CSMD1: variants seen among roughly 807,000 people sequenced by gnomAD.
The protein encoded by CSMD1 is CUB and sushi domain-containing protein 1.
A neutral mutation model predicts 417.5 loss-of-function variants in CSMD1; 213 were observed. The observed-to-expected ratio is 0.51, with a 90% CI of 0.46 to 0.57. The LOEUF (loss-of-function observed/expected upper bound fraction) is 0.57, where lower values mean the gene tolerates loss of function less well. Ranked by LOEUF, CSMD1 falls within the 20% of genes least tolerant of loss-of-function variation. The pLI is 0.00. For missense variants in CSMD1, 6,923 were observed against 4,529.7 expected (o/e 1.53, Z -15.17); for synonymous variants, 2,862 against 1,736.8 (o/e 1.65, Z -16.11).
intron 3 of CSMD1, among the ~76,000 whole-genome samples, chr8:4,056,285 G>A (rs1200799684): frequency 2.0e-5 from 3 of 151,492 alleles, no homozygotes; most frequent in Non-Finnish European, 2.9e-5. Flanking sequence ...GTTTCACCAT[G>A]TTGGCCTGGC....
chr8:3,819,662 C>T (rs553066096), intron 5 of CSMD1, among the ~76,000 whole-genome samples: 38 of 152,192 alleles, frequency 2.5e-4, no homozygotes, highest in South Asian at 1.0e-3. Context: ...TGACTCACTG[C>T]GGCCTTGGCC....
chr8:4,297,504 C>T (rs564689415), intron 3 of CSMD1, among the ~76,000 whole-genome samples: 5 of 152,256 alleles, frequency 3.3e-5, no homozygotes, highest in African/African-American at 9.6e-5. Context: ...TACATTCAGG[C>T]CATTTTTGCT....
chr8:3,484,818 G>C (rs73660049), intron 11 of CSMD1, among the ~76,000 whole-genome samples: 4,345 of 152,274 alleles, frequency 0.029, 219 homozygotes, highest in African/African-American at 0.097. Context: ...ATAAGCATCT[G>C]ACAAAATGTT....
chr8:4,231,574 T>G (rs1008206773), intron 3 of CSMD1, among the ~76,000 whole-genome samples: 1 of 152,196 alleles, frequency 6.6e-6, no homozygotes, highest in African/African-American at 2.4e-5. Context: ...TGCATGTAAC[T>G]ATTATTGTTA....
At chr8:3,595,696 T>C (rs747329984) in intron 8 of CSMD1, among the ~76,000 whole-genome samples, 9 of 152,164 alleles carry the variant, frequency 5.9e-5, no homozygotes, top group African/African-American at 1.4e-4. Context: ...GTGTGAATTT[T>C]TGTGTGAGGG....
chr8:3,219,217 C>A lies in CSMD1; in HGVS notation c.4672+38G>T, dbSNP rs371846735. On this transcript the variant is annotated intron_variant, in intron 29 of 69. Coordinates refer to ENST00000635120, the MANE Select transcript of CSMD1 (RefSeq NM_033225.6). ...GCCTACAATAAAAACAGTCCTGATA[C>A]AAATTAATTCCCACTCAAATTCAGG... The A allele has an allele frequency of 3.9e-6, 6 of 1,521,686 alleles. No homozygotes were observed. In the African/African-American group the frequency reaches 4.1e-5, roughly 10 times the overall value. The allele number at this position is 1,521,686 out of a possible 1,614,324, so 94.3% of individuals were successfully genotyped here. A position where few individuals can be genotyped will look rare whatever the true frequency, so the allele number is the denominator to read the frequency against.
In CSMD1 at chr8:4,666,744, G is replaced by A. The variant is rs145353860; in HGVS notation, c.86-29186C>T. Among the ~76,000 whole-genome samples the A allele has an allele frequency of 3.6e-3, 553 of 152,172 alleles. 2 individuals carry two copies. The highest frequency in any genetic ancestry group is 0.013 in the African/African-American group (535 of 41,512). On this transcript the variant is annotated intron_variant, in intron 1 of 69. Coordinates refer to ENST00000635120, the MANE Select transcript of CSMD1 (RefSeq NM_033225.6). ...CTGAGATTTGAGAGTTCTTCATACA[G>A]TCAAGTCCTTCATCAGATATGTATT...
chr8:3,559,199 T>A (rs951624446), intron 10 of CSMD1, among the ~76,000 whole-genome samples: 2 of 152,204 alleles, frequency 1.3e-5, no homozygotes, highest in African/African-American at 2.4e-5. Flanking sequence ...GTTTGGGCAA[T>A]AAGTATCAAT....
intron 3 of CSMD1, among the ~76,000 whole-genome samples, chr8:4,239,634 T>A (rs1269117305): frequency 6.6e-6 from 1 of 152,180 alleles, no homozygotes; most frequent in Non-Finnish European, 1.5e-5. Flanking sequence ...GAACCCAAAC[T>A]GCTGCAGCCA....
chr8:4,301,250 A>G (rs1202158100), intron 3 of CSMD1, among the ~76,000 whole-genome samples: 1 of 152,180 alleles, frequency 6.6e-6, no homozygotes, highest in Non-Finnish European at 1.5e-5. Context: ...AGCCAACATC[A>G]TCATTCTTTG....
intron 3 of CSMD1, among the ~76,000 whole-genome samples, chr8:4,302,632 A>T (rs1055849097): frequency 6.6e-6 from 1 of 152,194 alleles, no homozygotes; most frequent in Non-Finnish European, 1.5e-5. Context: ...TTTTTCTCTG[A>T]CACAAAGGTC....
At chr8:4,066,728 G>C (rs919177426) in intron 3 of CSMD1, among the ~76,000 whole-genome samples, 9 of 152,130 alleles carry the variant, frequency 5.9e-5, no homozygotes, top group Non-Finnish European at 1.0e-4. Context: ...TGGGACGAGA[G>C]TGAAGACTGA....
chr8:4,583,301 G>T (rs185454676), intron 2 of CSMD1, among the ~76,000 whole-genome samples: 3 of 152,332 alleles, frequency 2.0e-5, no homozygotes, highest in Admixed American at 2.0e-4. Context: ...CCTGAGTCTG[G>T]TGGGGCCTTG....
chr8:3,867,801 A>T (rs1333108310), intron 5 of CSMD1, among the ~76,000 whole-genome samples: 1 of 152,096 alleles, frequency 6.6e-6, no homozygotes, highest in African/African-American at 2.4e-5. Flanking sequence ...AGTATGACTC[A>T]CATTCCAACT....
At chr8:3,283,966 G>T (rs539224286) in intron 26 of CSMD1, among the ~76,000 whole-genome samples, 178 bp downstream of exon 26, 1 of 152,370 alleles carries the variant, frequency 6.6e-6, no homozygotes, top group South Asian at 2.1e-4. Flanking sequence ...CCTCAGCCAT[G>T]AACCCAGCAA....
intron 10 of CSMD1, among the ~76,000 whole-genome samples, chr8:3,556,971 C>G (rs1799184409): frequency 6.6e-6 from 1 of 152,182 alleles, no homozygotes; most frequent in Non-Finnish European, 1.5e-5. Flanking sequence ...CTAAGTCAAG[C>G]AGAACCCAGC....
At chr8:3,794,708 C>G (rs1353730911) in intron 5 of CSMD1, among the ~76,000 whole-genome samples, 1 of 151,996 alleles carries the variant, frequency 6.6e-6, no homozygotes, top group African/African-American at 2.4e-5. Flanking sequence ...GACTGTAAAC[C>G]TAGCAAAACT....
chr8:3,844,747 G>C (rs1803377255), intron 5 of CSMD1, among the ~76,000 whole-genome samples: 1 of 152,162 alleles, frequency 6.6e-6, no homozygotes, highest in South Asian at 2.1e-4. Context: ...TGACAATGAG[G>C]TCATGTGACC....
intron 7 of CSMD1, among the ~76,000 whole-genome samples, chr8:3,665,846 A>G (rs1798664478): frequency 6.6e-6 from 1 of 152,100 alleles, no homozygotes; most frequent in African/African-American, 2.4e-5. Flanking sequence ...AGGCTCCTGC[A>G]TTTATGACCT....
Sources: gnomAD v4.1 joint callset for allele counts (sites outside exome capture counted in the v4.1 genomes callset) on GRCh38, gnomAD v4.1.1 for gene constraint, MANE v1.5 for transcripts, NCBI Gene and HGNC (gene_info 2026-07-23, HGNC 2026-07-21) for gene names.